SLC44A1: variants seen among roughly 807,000 people sequenced by gnomAD.
The protein encoded by SLC44A1 is choline transporter-like protein 1.
In SLC44A1, 26 loss-of-function variants were observed where a neutral mutation model predicts 79.3. That is an observed-to-expected ratio of 0.33 (90% CI 0.24 to 0.46). SLC44A1 has a LOEUF of 0.46. Ranked by LOEUF, SLC44A1 falls within the 20% of genes least tolerant of loss-of-function variation. The pLI, the probability that SLC44A1 is intolerant of heterozygous loss-of-function variation, is 1.00. For missense variants in SLC44A1, 688 were observed against 798.1 expected, an observed-to-expected ratio of 0.86 and a Z score of 1.66; for synonymous variants, 263 against 286.2, an observed-to-expected ratio of 0.92 and a Z score of 0.82.
In SLC44A1 at chr9:105,405,807, T is replaced by C. The variant is rs559497537; in HGVS notation, c.1950+20305T>C. Among the ~76,000 whole-genome samples the C allele has an allele frequency of 2.2e-4, 33 of 152,272 alleles. No homozygotes were observed. The South Asian group carries it at 6.6e-3, about 31-fold the overall frequency. On this transcript the variant is annotated intron_variant, in intron 15 of 15. Transcript: ENST00000374724. ...GGCACTTAAAGGCTTATATACTAGCTGCAGCAACCTGTGGTGAAGAATAAC... is the reference window on the plus strand; with the variant it reads ...GGCACTTAAAGGCTTATATACTAGCCGCAGCAACCTGTGGTGAAGAATAAC...
In SLC44A1 at chr9:105,394,349, A is replaced by G. The variant is rs988447062; in HGVS notation, c.*5293A>G. The G allele has an allele frequency of 8.1e-6, 8 of 985,396 alleles. No homozygotes were observed. The highest frequency in any genetic ancestry group is 9.6e-6 in the Non-Finnish European group (8 of 829,944). The allele number at this position is 985,396 out of a possible 1,614,324, so 61.0% of individuals were successfully genotyped here. A position where few individuals can be genotyped will look rare whatever the true frequency, so the allele number is the denominator to read the frequency against. ...ATAGAAACCACACTAATCTGAAGGAATAACAAGATGATCAACACTGAATCT... is the reference window on the plus strand; with the variant it reads ...ATAGAAACCACACTAATCTGAAGGAGTAACAAGATGATCAACACTGAATCT... On this transcript the variant is annotated 3_prime_UTR_variant, in exon 16 of 16. Transcript: ENST00000374720.
intron 1 of SLC44A1, among the ~76,000 whole-genome samples, chr9:105,263,258 A>G (rs1235614788): frequency 6.6e-6 from 1 of 152,208 alleles, no homozygotes; most frequent in Non-Finnish European, 1.5e-5. Context: ...GGCAGTTATT[A>G]GAAATTTCAT....
rs1018485688 is a variant in SLC44A1, at chr9:105,253,600, G to A, written c.36+8696G>A. Among the ~76,000 whole-genome samples, 10 of 152,138 alleles carry A rather than the reference G, an allele frequency of 6.6e-5. 1 individual carries two copies. The highest frequency in any genetic ancestry group is 5.8e-4 in the East Asian group (3 of 5,192). Reference sequence around the variant, plus strand: ...AAACAAATTAGCCAGGTATGGTGTCGTGTGCTTTTGGTCTCAGCTACTCAG... The same window carrying A: ...AAACAAATTAGCCAGGTATGGTGTCATGTGCTTTTGGTCTCAGCTACTCAG... On this transcript the variant is annotated intron_variant, in intron 1 of 15. Transcript: ENST00000374720.
At chr9:105,415,775 A>G (rs2131511127) in intron 15 of SLC44A1, among the ~76,000 whole-genome samples, 1 of 152,272 alleles carries the variant, frequency 6.6e-6, no homozygotes, top group South Asian at 2.1e-4. Flanking sequence ...GGTAGAAACA[A>G]TATATACTTG....
chr9:105,244,936 C>T, intron 1 of SLC44A1, 32 bp downstream of exon 1: 3 of 1,136,898 alleles, frequency 2.6e-6, no homozygotes, highest in Non-Finnish European at 3.3e-6. Context: ...GCCGCCCGCC[C>T]GGATGCCTCC....
intron 4 of SLC44A1, among the ~76,000 whole-genome samples, chr9:105,341,010 A>C (rs999020445): frequency 6.6e-6 from 1 of 152,158 alleles, no homozygotes; most frequent in African/African-American, 2.4e-5. Context: ...TCATATTACA[A>C]AGGCTTTTAA....
chr9:105,355,062 A>T lies in SLC44A1; in HGVS notation c.501-1150A>T, dbSNP rs73512062. Among the ~76,000 whole-genome samples, 198 of 152,346 alleles carry T rather than the reference A, an allele frequency of 1.3e-3. 1 individual carries two copies. Among genetic ancestry groups the T allele is most frequent in the Middle Eastern group, 0.01 (3 of 294 alleles). On this transcript the variant is annotated intron_variant, in intron 5 of 15. Coordinates refer to ENST00000374720, the MANE Select transcript of SLC44A1 (RefSeq NM_080546.5). ...GAACATATTTTCATGGATACCATTT[A>T]AAAAAAGTTGTAAGAACAATTCTGG...
At chr9:105,337,282 G>A (rs954934556) in intron 4 of SLC44A1, among the ~76,000 whole-genome samples, 7 of 152,148 alleles carry the variant, frequency 4.6e-5, no homozygotes, top group African/African-American at 1.4e-4. Context: ...CTTACTGGCT[G>A]TGAGACCCTG....
intron 1 of SLC44A1, among the ~76,000 whole-genome samples, chr9:105,266,412 T>C (rs1373015181): frequency 6.6e-6 from 1 of 152,242 alleles, no homozygotes; most frequent in Non-Finnish European, 1.5e-5. Context: ...TTTTCTCCTA[T>C]GTTTTATTCT....
chr9:105,374,594 C>T lies in SLC44A1; in HGVS notation c.1495-4C>T, dbSNP rs1471182737. On this transcript the variant is annotated splice_polypyrimidine_tract_variant and splice_region_variant and intron_variant, in intron 12 of 15. Coordinates refer to ENST00000374720, the MANE Select transcript of SLC44A1 (RefSeq NM_080546.5). Reference sequence around the variant, plus strand: ...ACGAAAATGTTGTTTTTGCTTTTGTCCAGAATGCATACACAGCCACAGCTA... The same window carrying T: ...ACGAAAATGTTGTTTTTGCTTTTGTTCAGAATGCATACACAGCCACAGCTA... 2 of 1,606,164 alleles carry T rather than the reference C, an allele frequency of 1.2e-6. No homozygotes were observed. Among genetic ancestry groups the T allele is most frequent in the Admixed American group, 3.4e-5 (2 of 58,170 alleles).
At chr9:105,375,559 T>C (rs998230310) in intron 13 of SLC44A1, among the ~76,000 whole-genome samples, 1 of 152,208 alleles carries the variant, frequency 6.6e-6, no homozygotes, top group African/African-American at 2.4e-5. Context: ...ATGAGATTAA[T>C]GCATTGTTAA....
At position 105,366,386 on chromosome 9, in the gene SLC44A1, G is replaced by A. The variant is rs1383174898; in HGVS notation, c.1451G>A (p.Cys484Tyr). Residue 484 changes from cysteine to tyrosine, a missense_variant, in exon 12 of 16, where the codon TGT becomes TAT. Coordinates refer to ENST00000374720, the MANE Select transcript of SLC44A1 (RefSeq NM_080546.5). ...CGATGTGTGCTGAAATCTTGCATTTGTTGCCTTTGGTGTCTTGAAAAGTGC... is the reference window on the plus strand; with the variant it reads ...CGATGTGTGCTGAAATCTTGCATTTATTGCCTTTGGTGTCTTGAAAAGTGC... ...CARCVLKSCI[C>Y]CLWCLEKCLN... is the part of the protein sequence containing the mutation. 2.0e-6 allele frequency: 3 copies of A among 1,529,178 alleles called. No homozygotes were observed. Among genetic ancestry groups the A allele is most frequent in the Non-Finnish European group, 1.8e-6 (2 of 1,138,786 alleles). The allele number at this position is 1,529,178 out of a possible 1,614,324, so 94.7% of individuals were successfully genotyped here.
At chr9:105,400,130 C>T (rs946710407), downstream of SLC44A1, among the ~76,000 whole-genome samples, 1 of 151,122 alleles carries the variant, frequency 6.6e-6, no homozygotes, top group Non-Finnish European at 1.5e-5. Context: ...GGGAGGCATA[C>T]GTTGCGGTGA....
At chr9:105,336,328 C>T (rs932453446) in intron 4 of SLC44A1, among the ~76,000 whole-genome samples, 4 of 152,076 alleles carry the variant, frequency 2.6e-5, no homozygotes, top group African/African-American at 9.7e-5. Flanking sequence ...TGTCATAGCT[C>T]TTTTTCTGAT....
rs1041260696 is a variant in SLC44A1 at position 105,391,056 on chromosome 9, G to C, written c.*2000G>C. ...CAGATTTTGGACTTTCACAAACATT[G>C]GGAACTAAATTTAGAATTGGCAAAA... is the stretch of plus-strand genomic sequence containing the variant. On this transcript the variant is annotated 3_prime_UTR_variant, in exon 16 of 16. Coordinates refer to ENST00000374720, the MANE Select transcript of SLC44A1 (RefSeq NM_080546.5). The C allele has an allele frequency of 1.0e-6, 1 of 985,584 alleles. No homozygotes were observed. The highest frequency in any genetic ancestry group is 1.7e-5 in the African/African-American group (1 of 57,168). 61.1% of individuals were successfully genotyped at this position (985,584 alleles called of 1,614,324 possible). A position where few individuals can be genotyped will look rare whatever the true frequency, so the allele number is the denominator to read the frequency against.
intron 15 of SLC44A1, among the ~76,000 whole-genome samples, chr9:105,433,272 C>T (rs778842051): frequency 2.0e-5 from 3 of 151,946 alleles, no homozygotes; most frequent in East Asian, 1.9e-4. Context: ...CTCCAGTCTG[C>T]GCGATGGGAG....
At chr9:105,256,061 T>A (rs1033955404) in intron 1 of SLC44A1, among the ~76,000 whole-genome samples, 2 of 152,176 alleles carry the variant, frequency 1.3e-5, no homozygotes, top group Admixed American at 1.3e-4. Context: ...TCACCCTGGC[T>A]GGAGTGCAGT....
intron 5 of SLC44A1, among the ~76,000 whole-genome samples, chr9:105,349,210 G>C (rs1827330858): frequency 6.6e-6 from 1 of 152,156 alleles, no homozygotes; most frequent in Non-Finnish European, 1.5e-5. Flanking sequence ...ACATACTTTG[G>C]AGTGTTGGTC....
chr9:105,387,436 A>G (rs527596351), intron 15 of SLC44A1, among the ~76,000 whole-genome samples: 1 of 152,052 alleles, frequency 6.6e-6, no homozygotes, highest in South Asian at 2.1e-4. Context: ...TGCCCTCCAC[A>G]CCTTTCTGTA....
Sources: allele counts gnomAD v4.1 joint callset (sites outside exome capture counted in the v4.1 genomes callset), GRCh38; gene constraint gnomAD v4.1.1; transcripts MANE v1.5; gene names NCBI Gene and HGNC (gene_info 2026-07-23, HGNC 2026-07-21).